Variants in ZCCHC10 observed in about 807,000 individuals in gnomAD.
ZCCHC10 encodes zinc finger CCHC-type containing 10.
A neutral mutation model predicts 19.5 loss-of-function variants in ZCCHC10; 16 were observed. The ratio of observed to expected loss-of-function variants is 0.82; its 90% CI spans 0.56 to 1.25. The LOEUF (loss-of-function observed/expected upper bound fraction) is 1.25. ZCCHC10 is among the 50% of genes most tolerant of loss of function. The pLI is 0.00. For missense variants in ZCCHC10, 197 were observed against 201.0 expected, an observed-to-expected ratio of 0.98 and a Z score of 0.12; for synonymous variants, 67 against 72.5, an observed-to-expected ratio of 0.92 and a Z score of 0.38.
At position 132,997,448 on chromosome 5, in the gene ZCCHC10, G is replaced by A. The variant is rs1226312125; in HGVS notation, c.*1135C>T. ...AAAAGACATCACAGAATACTGTGAT[G>A]TTAAACCAAAGACTCATCACAATAA... On this transcript the variant is annotated 3_prime_UTR_variant, in exon 5 of 5. Coordinates refer to ENST00000509437, the MANE Select transcript of ZCCHC10 (RefSeq NM_001300816.3). 2.0e-5 allele frequency: 3 copies of A among 152,080 alleles called. No homozygotes were observed. The highest frequency in any genetic ancestry group is 3.8e-4 in the East Asian group (2 of 5,198). The allele number at this position is 152,080 out of a possible 1,614,324, so 9.4% of individuals were successfully genotyped here. A position where few individuals can be genotyped will look rare whatever the true frequency, so the allele number is the denominator to read the frequency against.
intron 1 of ZCCHC10, among the ~76,000 whole-genome samples, chr5:133,024,727 C>T (rs1399537353): frequency 6.6e-6 from 1 of 152,106 alleles, no homozygotes; most frequent in Non-Finnish European, 1.5e-5. Flanking sequence ...CATGGTGAAA[C>T]CCCGTCTCTA....
At chr5:133,023,771 C>CAA (rs34071317) in intron 1 of ZCCHC10, among the ~76,000 whole-genome samples, 46,072 of 144,606 alleles carry the variant, frequency 0.32, 7,901 homozygotes, top group African/African-American at 0.48. Flanking sequence ...AACTCCATCT[C>CAA]AAAAAAAAAA....
intron 1 of ZCCHC10, 101 bp downstream of exon 1, chr5:133,026,396 G>C: frequency 1.3e-6 from 2 of 1,496,202 alleles, no homozygotes; most frequent in Non-Finnish European, 1.8e-6. Context: ...TTGAGAAACG[G>C]ACATTCTCCG....
chr5:133,007,544 C>CAAA (rs58700549), intron 2 of ZCCHC10, among the ~76,000 whole-genome samples: 2 of 119,258 alleles, frequency 1.7e-5, no homozygotes, highest in African/African-American at 2.8e-5. Flanking sequence ...CTCCGTCTCA[C>CAAA]AAAAAAAAAA....
At chr5:133,017,777 C>T (rs916610671) in intron 2 of ZCCHC10, among the ~76,000 whole-genome samples, 8 of 152,172 alleles carry the variant, frequency 5.3e-5, no homozygotes, top group Non-Finnish European at 5.9e-5. Flanking sequence ...GAATAAATTA[C>T]AGCTTCATTT....
At chr5:133,016,588 G>A (rs1486753897) in intron 2 of ZCCHC10, among the ~76,000 whole-genome samples, 3 of 151,862 alleles carry the variant, frequency 2.0e-5, no homozygotes, top group Admixed American at 6.6e-5. Flanking sequence ...GATTACAGGC[G>A]CCTGCCACCA....
chr5:133,000,361 C>T (rs1300683434), intron 3 of ZCCHC10, among the ~76,000 whole-genome samples, 188 bp from the exon 4 acceptor site: 1 of 152,182 alleles, frequency 6.6e-6, no homozygotes, highest in Non-Finnish European at 1.5e-5. Context: ...GTATACGGTA[C>T]ATGCAGTCAA....
intron 2 of ZCCHC10, chr5:133,011,391 A>T (rs1395317221): frequency 1.3e-5 from 2 of 151,954 alleles, no homozygotes; most frequent in Non-Finnish European, 2.9e-5. Context: ...TTGGGAGGCC[A>T]AGGCAGGTGG....
At chr5:133,020,518 G>C (rs1203805344) in intron 2 of ZCCHC10, among the ~76,000 whole-genome samples, 2 of 151,520 alleles carry the variant, frequency 1.3e-5, no homozygotes, top group Non-Finnish European at 2.9e-5. Context: ...AGTTACTCAG[G>C]AGGCTGTGGT....
intron 2 of ZCCHC10, among the ~76,000 whole-genome samples, chr5:133,009,606 T>C (rs1581396925): frequency 1.4e-5 from 1 of 70,352 alleles, no homozygotes; most frequent in Non-Finnish European, 2.8e-5. Flanking sequence ...AGAGTAAGAC[T>C]CCGTCTCAAA....
intron 2 of ZCCHC10, among the ~76,000 whole-genome samples, chr5:133,011,947 TG>T (rs1763567741): frequency 1.3e-5 from 2 of 151,194 alleles, no homozygotes; most frequent in Admixed American, 6.6e-5. Flanking sequence ...GTGGGCAACA[TG>T]GTGAAAGCCC....
chr5:133,009,443 C>T (rs1763351282), intron 2 of ZCCHC10, among the ~76,000 whole-genome samples: 1 of 151,550 alleles, frequency 6.6e-6, no homozygotes, highest in African/African-American at 2.4e-5. Flanking sequence ...CATGGTGAAA[C>T]CCGTCTCTAC....
At chr5:133,020,807 A>G (rs10078932) in intron 2 of ZCCHC10, among the ~76,000 whole-genome samples, 50,045 of 151,118 alleles carry the variant, frequency 0.33, 9,692 homozygotes, top group African/African-American at 0.55. Flanking sequence ...TGCAAGCTCC[A>G]TCTCCCGGGT....
intron 2 of ZCCHC10, among the ~76,000 whole-genome samples, chr5:133,017,974 T>C (rs1764033434): frequency 1.3e-5 from 2 of 151,928 alleles, no homozygotes; most frequent in Admixed American, 1.3e-4. Context: ...CAAAACTCTG[T>C]CTCTACTAAA....
Position 132,998,714 on chromosome 5 carries a change from A to G in ZCCHC10, c.448T>C (p.Ser150Pro). 6.2e-7 allele frequency: 1 copy of G among 1,614,140 alleles called. No homozygotes were observed. Among genetic ancestry groups the G allele is most frequent in the Non-Finnish European group, 8.5e-7 (1 of 1,180,014 alleles). Reference protein sequence around the residue: ...DTDESSSSSSSSASSTTSSSS... With the variant: ...DTDESSSSSSPSASSTTSSSS... ...GAAGAGGTTGTGGAGGAGGCTGAGG[A>G]TGAGGAACTAGAGGAGCTTTCATCA... is the stretch of plus-strand genomic sequence containing the variant. Residue 150 changes from serine (S) to proline (P), a missense_variant, in exon 5 of 5, where the codon TCC becomes CCC. Transcript: ENST00000509437.
At chr5:133,009,123 C>A (rs1763328232) in intron 2 of ZCCHC10, among the ~76,000 whole-genome samples, 1 of 152,066 alleles carries the variant, frequency 6.6e-6, no homozygotes, top group Non-Finnish European at 1.5e-5. Context: ...CTGCCTCAGC[C>A]TCCTGAGTAG....
At chr5:133,024,911 A>C (rs1045396053) in intron 1 of ZCCHC10, among the ~76,000 whole-genome samples, 4 of 151,952 alleles carry the variant, frequency 2.6e-5, no homozygotes, top group Admixed American at 6.6e-5. Context: ...TAAAAAAAAA[A>C]CAAAAAAAAC....
chr5:133,024,114 T>C (rs1189160787), intron 1 of ZCCHC10, among the ~76,000 whole-genome samples: 1 of 152,228 alleles, frequency 6.6e-6, no homozygotes, highest in Admixed American at 6.5e-5. Context: ...ATGTACCAAA[T>C]ACAGACATAT....
chr5:133,012,777 G>T (rs984603502), intron 2 of ZCCHC10, among the ~76,000 whole-genome samples: 10 of 151,530 alleles, frequency 6.6e-5, no homozygotes, highest in African/African-American at 2.4e-4. Context: ...TAGGCCGGGT[G>T]TGGTGGCTCA....
Sources: gnomAD v4.1 joint callset for allele counts (sites outside exome capture counted in the v4.1 genomes callset) on GRCh38, gnomAD v4.1.1 for gene constraint, MANE v1.5 for transcripts, NCBI Gene and HGNC (gene_info 2026-07-23, HGNC 2026-07-21) for gene names.